The following SYNPR variants were observed in gnomAD, a reference collection of about 807,000 sequenced individuals.
SYNPR encodes the protein synaptoporin.
In SYNPR, 23 loss-of-function variants were observed where a neutral mutation model predicts 32.9. The ratio of observed to expected loss-of-function variants is 0.70; its 90% confidence interval spans 0.50 to 0.99. The LOEUF (loss-of-function observed/expected upper bound fraction) is 0.99. Among genes scored for constraint, SYNPR ranks in the 50% least tolerant of loss-of-function variants. The probability of loss-of-function intolerance (pLI) is 0.00; values close to 1 mark genes in which losing one functional copy is unlikely to be tolerated. For synonymous variants in SYNPR, 146 were observed against 135.9 expected (o/e 1.07, Z -0.52); for missense variants, 318 against 349.3 (o/e 0.91, Z 0.71).
chr3:63,546,434 C>CTTTCAAT (rs1286232080), intron 3 of SYNPR, among the ~76,000 whole-genome samples: 2 of 149,994 alleles, frequency 1.3e-5, no homozygotes, highest in African/African-American at 5.1e-5. Flanking sequence ...CCACAATACA[C>CTTTCAAT]TTTCAATAAG....
At chr3:63,217,835 C>T in the SYNPR span, among the ~76,000 whole-genome samples, 2 of 152,096 alleles carry the variant, frequency 1.3e-5, no homozygotes, top group African/African-American at 4.8e-5. Flanking sequence ...TCTCCAACTC[C>T]ACCCAAAAGC....
At chr3:63,315,790 T>G (rs1298406276) in intron 2 of SYNPR, among the ~76,000 whole-genome samples, 1 of 152,026 alleles carries the variant, frequency 6.6e-6, no homozygotes, top group Non-Finnish European at 1.5e-5. Context: ...AGAGGAGTGG[T>G]GAGAGTGGGC....
chr3:63,563,177 C>A (rs1166577634), intron 4 of SYNPR, among the ~76,000 whole-genome samples: 1 of 152,084 alleles, frequency 6.6e-6, no homozygotes, highest in Admixed American at 6.5e-5. Flanking sequence ...CCTTCTTATC[C>A]CCAAGTCGCC....
chr3:63,294,146 A>C (rs2086770513), intron 2 of SYNPR, among the ~76,000 whole-genome samples: 1 of 152,216 alleles, frequency 6.6e-6, no homozygotes, highest in Non-Finnish European at 1.5e-5. Flanking sequence ...TTCCTAACTT[A>C]GGTAGTTTTC....
upstream of SYNPR, among the ~76,000 whole-genome samples, chr3:63,273,704 T>C (rs570513573): frequency 1.3e-5 from 2 of 152,344 alleles, no homozygotes; most frequent in East Asian, 3.9e-4. Context: ...ATCAGTTGTA[T>C]TTGTTAATTA....
intron 4 of SYNPR, among the ~76,000 whole-genome samples, chr3:63,585,531 A>T (rs971912679): frequency 3.3e-5 from 5 of 151,718 alleles, no homozygotes; most frequent in African/African-American, 1.2e-4. Flanking sequence ...ACTGTATAAC[A>T]CTACACATTG....
chr3:63,269,879 A>G (rs1380320872), intron 3 of SYNPR, among the ~76,000 whole-genome samples: 1 of 152,212 alleles, frequency 6.6e-6, no homozygotes, highest in Non-Finnish European at 1.5e-5. Flanking sequence ...TATTCATTCA[A>G]CAAACATTTT....
the SYNPR span, among the ~76,000 whole-genome samples, chr3:63,208,406 G>A: frequency 3.9e-5 from 6 of 152,216 alleles, no homozygotes; most frequent in Non-Finnish European, 5.9e-5. Context: ...GGCACAGAAT[G>A]AGTGAGCATT....
At chr3:63,581,105 G>C (rs73120735) in intron 4 of SYNPR, among the ~76,000 whole-genome samples, 4,298 of 152,234 alleles carry the variant, frequency 0.028, 78 homozygotes, top group Non-Finnish European at 0.041. Context: ...GAAAAGTGAA[G>C]AGACAGAGAA....
intron 4 of SYNPR, among the ~76,000 whole-genome samples, chr3:63,588,014 A>C (rs971505515): frequency 6.6e-6 from 1 of 152,144 alleles, no homozygotes; most frequent in Admixed American, 6.6e-5. Flanking sequence ...AGTTCAACAT[A>C]CTTAGAAAAA....
rs1236371867 is a variant in SYNPR at position 63,245,696 on chromosome 3, AGAGAGAGAGAGAGAGT to A, written n.67-6801_67-6786del. ...TTTGTCAAGTGAGAGAGAGAGAGAG[AGAGAGAGAGAGAGAGT>A]GTGTGTGTGTGTGTGTGTGTGTGTG... is the stretch of plus-strand genomic sequence containing the variant. On this transcript the variant is annotated intron_variant and non_coding_transcript_variant, in intron 1 of 4. Coordinates refer to the SYNPR transcript ENST00000478456. 3.7e-3 allele frequency among the ~76,000 whole-genome samples: 280 copies of A among 75,720 alleles called. 2 individuals are homozygous for A. Among genetic ancestry groups the A allele is most frequent in the African/African-American group, 0.019 (267 of 14,006 alleles). The allele number at this position is 75,720 out of a possible 152,430, so 49.7% of individuals were successfully genotyped here. A position where few individuals can be genotyped will look rare whatever the true frequency, so the allele number is the denominator to read the frequency against.
intron 2 of SYNPR, among the ~76,000 whole-genome samples, chr3:63,400,244 A>G (rs2088273257): frequency 6.6e-6 from 1 of 152,250 alleles, no homozygotes; most frequent in African/African-American, 2.4e-5. Context: ...GCGTGACAAA[A>G]TACCCCAAAA....
chr3:63,328,487 C>G lies in SYNPR; in HGVS notation c.84+49745C>G, dbSNP rs532805592. 2.6e-5 allele frequency among the ~76,000 whole-genome samples: 4 copies of G among 152,270 alleles called. No homozygotes were observed. In the South Asian group the frequency reaches 8.3e-4, roughly 32 times the overall value. ...GGGTTGAGTGCTCCAGGCCCCAGTT[C>G]CCCTAACATGCCTGTCTCCCTGGCT... On this transcript the variant is annotated intron_variant, in intron 2 of 5. Transcript: ENST00000478300.
intron 2 of SYNPR, among the ~76,000 whole-genome samples, chr3:63,259,614 G>A (rs887230542): frequency 4.1e-4 from 62 of 152,240 alleles, no homozygotes; most frequent in African/African-American, 1.4e-3. Context: ...CACAGCCAAT[G>A]TCATACTGAA....
At chr3:63,259,072 C>A (rs2106898013) in intron 2 of SYNPR, among the ~76,000 whole-genome samples, 1 of 152,218 alleles carries the variant, frequency 6.6e-6, no homozygotes, top group Admixed American at 6.5e-5. Flanking sequence ...GACATTGAGG[C>A]AATAATTAAT....
intron 5 of SYNPR, 36 bp from the exon 6 acceptor site, chr3:63,615,188 T>C: frequency 6.3e-7 from 1 of 1,594,422 alleles, no homozygotes; most frequent in Non-Finnish European, 8.5e-7. Context: ...GGTTTTTGTC[T>C]AGTCTATCAA....
At chr3:63,291,594 T>C (rs144996253) in intron 2 of SYNPR, among the ~76,000 whole-genome samples, 1,304 of 125,572 alleles carry the variant, frequency 0.01, 16 homozygotes, top group South Asian at 0.034. Flanking sequence ...TGTTGTCAGA[T>C]TCATGGATTC....
intron 3 of SYNPR, among the ~76,000 whole-genome samples, chr3:63,524,796 T>G (rs2106778725): frequency 6.6e-6 from 1 of 151,876 alleles, no homozygotes; most frequent in East Asian, 1.9e-4. Context: ...AGATTCCAAG[T>G]ATGGAGTTCA....
chr3:63,468,544 G>A (rs932311898), intron 2 of SYNPR, among the ~76,000 whole-genome samples: 2 of 150,396 alleles, frequency 1.3e-5, no homozygotes, highest in Non-Finnish European at 1.5e-5. Flanking sequence ...GGTGGCTCAC[G>A]CCTGTAATCT....
Sources: gnomAD v4.1 joint callset for allele counts (sites outside exome capture counted in the v4.1 genomes callset) on GRCh38, gnomAD v4.1.1 for gene constraint, MANE v1.5 for transcripts, NCBI Gene and HGNC (gene_info 2026-07-23, HGNC 2026-07-21) for gene names.